MED1: variants seen among roughly 807,000 people sequenced by gnomAD.
MED1 encodes the protein mediator complex subunit 1.
MED1 carries 17 observed loss-of-function variants against 121.3 expected under a neutral mutation model. The observed-to-expected ratio is 0.14, with a 90% confidence interval of 0.10 to 0.21. The LOEUF (loss-of-function observed/expected upper bound fraction) is 0.21. Ranked by LOEUF, MED1 falls within the 10% of genes least tolerant of loss-of-function variation. MED1 has a pLI of 1.00. For missense variants in MED1, 1,558 were observed against 1,919.4 expected (o/e 0.81, Z 3.52); for synonymous variants, 661 against 694.4 (o/e 0.95, Z 0.76).
chr17:39,431,744 T>C (rs2048566879), intron 8 of MED1, among the ~76,000 whole-genome samples, 198 bp downstream of exon 8: 1 of 152,208 alleles, frequency 6.6e-6, no homozygotes, highest in African/African-American at 2.4e-5. Context: ...ACTCCAGGTC[T>C]GATGAGTCTT....
At position 39,406,928 on chromosome 17, in the gene MED1, A is replaced by G; in HGVS notation, c.*547T>C. On this transcript the variant is annotated 3_prime_UTR_variant, in exon 17 of 17. Transcript: ENST00000300651. ...AATCTTCCCTCCCCCAGTCACTCCTAAGAAACAGACACCAAACATTACTTA... is the reference window on the plus strand; with the variant it reads ...AATCTTCCCTCCCCCAGTCACTCCTGAGAAACAGACACCAAACATTACTTA... 1 of 986,038 alleles carries G rather than the reference A, an allele frequency of 1.0e-6. No homozygotes were observed. The highest frequency in any genetic ancestry group is 1.2e-6 in the Non-Finnish European group (1 of 830,046). 61.1% of individuals were successfully genotyped at this position (986,038 alleles called of 1,614,324 possible).
Position 39,409,778 on chromosome 17 carries a change from G to T in MED1, c.2443C>A (p.His815Asn), listed in dbSNP as rs2048338601. The T allele has an allele frequency of 1.2e-6, 2 of 1,614,044 alleles. No individual in the cohort carries two copies. Among genetic ancestry groups the T allele is most frequent in the African/African-American group, 2.7e-5 (2 of 74,930 alleles). Residue 815 changes from histidine to asparagine, a missense_variant, in exon 17 of 17, where the codon CAT becomes AAT. By Grantham distance (68) the His-to-Asn change is moderately conservative. Around this residue, in one of 5 missense-constraint regions of MED1, gnomAD observed 793 missense variants for 898.2 expected, o/e 0.88. Coordinates refer to ENST00000300651, the MANE Select transcript of MED1 (RefSeq NM_004774.4). ...TPLRDSSSSG[H>N]SQSTLFDSDV... ...GAGTCAAACAGGGTACTCTGAGAATGCCCAGAGCTTGAAGAATCTCGAAGA... is the reference window on the plus strand; with the variant it reads ...GAGTCAAACAGGGTACTCTGAGAATTCCCAGAGCTTGAAGAATCTCGAAGA...
At position 39,440,783 on chromosome 17, in the gene MED1, G is replaced by T; in HGVS notation, c.212-106C>A. The T allele has an allele frequency of 1.8e-6, 2 of 1,091,006 alleles. No homozygotes were observed. The highest frequency in any genetic ancestry group is 2.8e-5 in the South Asian group (2 of 72,618). The allele number at this position is 1,091,006 out of a possible 1,614,324, so 67.6% of individuals were successfully genotyped here. On this transcript the variant is annotated intron_variant, in intron 3 of 16. Coordinates refer to ENST00000300651, the MANE Select transcript of MED1 (RefSeq NM_004774.4). This position sits in a 1 kb window ranked among gnomAD's most constrained non-coding sequence, Gnocchi z 4.1. ...CCTTCCAAAACCGTAAACATATTCA[G>T]TAGTTCAAATGCTTGTAATTTACAT... is the stretch of plus-strand genomic sequence containing the variant.
intron 15 of MED1, 22 bp from the exon 16 acceptor site, chr17:39,415,153 A>T (rs1198975152): frequency 6.2e-7 from 1 of 1,612,622 alleles, no homozygotes; most frequent in African/African-American, 1.3e-5. Flanking sequence ...AATACATAGG[A>T]AATTGTTTTA....
intron 16 of MED1, 58 bp downstream of exon 16, chr17:39,414,968 C>T: frequency 1.3e-6 from 2 of 1,527,740 alleles, no homozygotes; most frequent in South Asian, 1.1e-5. Flanking sequence ...GCGCCCTACT[C>T]AACAACATTC....
At position 39,405,968 on chromosome 17, in the gene MED1, C is replaced by T. The variant is rs552803987; in HGVS notation, c.*1507G>A. ...GGGACCATGCCCCATCCCGCTGATA[C>T]AGATCCTGAATGGAATAATCAGGAA... is the stretch of plus-strand genomic sequence containing the variant. On this transcript the variant is annotated 3_prime_UTR_variant, in exon 17 of 17. Transcript: ENST00000300651. 45 of 985,398 alleles carry T rather than the reference C, an allele frequency of 4.6e-5. No homozygotes were observed. In the South Asian group the frequency reaches 1.5e-3, roughly 32 times the overall value. 61.0% of individuals were successfully genotyped at this position (985,398 alleles called of 1,614,324 possible). A position where few individuals can be genotyped will look rare whatever the true frequency, so the allele number is the denominator to read the frequency against.
At chr17:39,421,867 G>A (rs999209948) in intron 13 of MED1, among the ~76,000 whole-genome samples, 4 of 151,486 alleles carry the variant, frequency 2.6e-5, no homozygotes, top group Admixed American at 1.3e-4. Context: ...GGTGGCTCAC[G>A]CCTGCAATCC....
rs749291140 is a variant in MED1, at chr17:39,407,461, A to G, written c.*14T>C. On this transcript the variant is annotated 3_prime_UTR_variant, in exon 17 of 17. Coordinates refer to ENST00000300651, the MANE Select transcript of MED1 (RefSeq NM_004774.4). ...TTTTTCCTCTGGCCCTGTTTCTTTT[A>G]GGAAATAAGGTTCCTAATTCCCAAT... The G allele has an allele frequency of 1.5e-5, 23 of 1,579,764 alleles. No homozygotes were observed. Among genetic ancestry groups the G allele is most frequent in the South Asian group, 3.5e-5 (3 of 85,808 alleles).
chr17:39,448,474 G>A (rs1436308827), intron 1 of MED1, among the ~76,000 whole-genome samples: 2 of 150,854 alleles, frequency 1.3e-5, no homozygotes. Context: ...CTCAGCCTGG[G>A]AGGTCGAAGC....
At chr17:39,411,770 C>T (rs918091756) in intron 16 of MED1, among the ~76,000 whole-genome samples, 3 of 150,466 alleles carry the variant, frequency 2.0e-5, no homozygotes, top group Non-Finnish European at 3.0e-5. Flanking sequence ...GAGGCCGAGG[C>T]GGGTGGATCA....
intron 2 of MED1, among the ~76,000 whole-genome samples, chr17:39,443,989 CGTT>C (rs1348990930): frequency 6.6e-6 from 1 of 151,836 alleles, no homozygotes; most frequent in African/African-American, 2.4e-5. Flanking sequence ...AAAAAGAAAA[CGTT>C]GTATTTCCAC....
rs2144745649 is a variant in MED1 at position 39,427,747 on chromosome 17, T to C, written c.693A>G (p.Leu231=). The C allele has an allele frequency of 6.2e-7, 1 of 1,605,420 alleles. No homozygotes were observed. Among genetic ancestry groups the C allele is most frequent in the Middle Eastern group, 1.7e-4 (1 of 6,038 alleles). The change falls in exon 10 of 17, where the codon CTA becomes CTG. Residue 231 remains leucine, a synonymous_variant. Transcript: ENST00000300651. ...TGGGAGATGCAGTCTTGTCATCCAG[T>C]AGGTCAGAAGGAGAGACATAGTACT... ...NLKYYVSPSD[L]LDDKTASPII...
chr17:39,423,640 T>C, intron 12 of MED1, 57 bp downstream of exon 12: 2 of 1,610,200 alleles, frequency 1.2e-6, no homozygotes, highest in African/African-American at 1.3e-5. Flanking sequence ...TAACCTGACT[T>C]TGAAGTTTCT....
rs992239850 is a variant in MED1 at position 39,405,364 on chromosome 17, G to T, written c.*2111C>A. 35 of 1,570,204 alleles carry T rather than the reference G, an allele frequency of 2.2e-5. No homozygotes were observed. Among genetic ancestry groups the T allele is most frequent in the Non-Finnish European group, 2.7e-5 (31 of 1,157,294 alleles). On this transcript the variant is annotated 3_prime_UTR_variant, in exon 17 of 17. Coordinates refer to ENST00000300651, the MANE Select transcript of MED1 (RefSeq NM_004774.4). ...TCCCAGTTTACTCATTTTGGTATTTGTTGGCCCTGCATGGGGGAGCTGAGC... is the reference window on the plus strand; with the variant it reads ...TCCCAGTTTACTCATTTTGGTATTTTTTGGCCCTGCATGGGGGAGCTGAGC...
chr17:39,424,852 CTGTT>C, intron 10 of MED1, 114 bp from the exon 11 acceptor site: 2 of 651,576 alleles, frequency 3.1e-6, no homozygotes, highest in Non-Finnish European at 5.4e-6. Flanking sequence ...TTATCAGATG[CTGTT>C]ATTCCCTTAT....
chr17:39,426,056 C>T (rs2048512409), intron 10 of MED1, among the ~76,000 whole-genome samples: 1 of 151,862 alleles, frequency 6.6e-6, no homozygotes, highest in African/African-American at 2.4e-5. Flanking sequence ...GGCTTGAGCC[C>T]AGGACTTCGG....
chr17:39,437,093 C>T lies in MED1; in HGVS notation c.428+2072G>A, dbSNP rs142563391. On this transcript the variant is annotated intron_variant, in intron 6 of 16. Coordinates refer to ENST00000300651, the MANE Select transcript of MED1 (RefSeq NM_004774.4). The stretch of plus-strand genomic sequence containing the variant: ...GATTACAAGCATGTGCCACCACGCA[C>T]GGCTAATTTTGTATTTTTAGTAGAG... Among the ~76,000 whole-genome samples the T allele has an allele frequency of 1.1e-4, 16 of 152,234 alleles. No homozygotes were observed. In the East Asian group the frequency reaches 1.9e-3, roughly 18 times the overall value.
chr17:39,431,946 A>G lies in MED1; in HGVS notation c.571T>C (p.Tyr191His). The change falls in exon 8 of 17, where the codon TAC becomes CAC. Residue 191 changes from tyrosine (Y) to histidine (H), a missense_variant. Tyr to His is a moderately conservative substitution (Grantham distance 83, BLOSUM62 2). Coordinates refer to ENST00000300651, the MANE Select transcript of MED1 (RefSeq NM_004774.4). ...TTAAGGTTTTAGCAGTCTTACCAGT[A>G]CATAATTGCCATTTTAGAAAGATCT... is the stretch of plus-strand genomic sequence containing the variant. The part of the protein sequence containing the change: ...EQDLSKMAIM[Y>H]WKATNAGPLD... 1.9e-6 allele frequency: 3 copies of G among 1,594,284 alleles called. No individual in the cohort carries two copies. The South Asian group carries it at 3.3e-5, about 18-fold the overall frequency.
At position 39,434,307 on chromosome 17, in the gene MED1, C is replaced by T. The variant is rs773858226; in HGVS notation, c.442G>A (p.Asp148Asn). ...LVQQLREKNF[D>N]EFSKHLKGLV... ...CCCTTAAGGTGCTTAGAAAATTCAT[C>T]AAAATTTTTTTCCCTATAAGGAGTT... Residue 148 changes from aspartate to asparagine, a missense_variant, in exon 7 of 17, where the codon GAT becomes AAT. Physicochemically the swap from Asp to Asn is conservative, Grantham distance 23. Coordinates refer to ENST00000300651, the MANE Select transcript of MED1 (RefSeq NM_004774.4). 12 of 1,563,062 alleles carry T rather than the reference C, an allele frequency of 7.7e-6. No homozygotes were observed. Among genetic ancestry groups the T allele is most frequent in the Non-Finnish European group, 9.5e-6 (11 of 1,156,112 alleles).
Sources: gnomAD v4.1 joint callset for allele counts (sites outside exome capture counted in the v4.1 genomes callset) on GRCh38, gnomAD v4.1.1 for gene constraint, gnomAD v4.1.1 regional missense constraint, Gnocchi (gnomAD v3.1) non-coding constraint, MANE v1.5 for transcripts, NCBI Gene and HGNC (gene_info 2026-07-23, HGNC 2026-07-21) for gene names.